ANTXR1: variants seen among roughly 807,000 people sequenced by gnomAD.
ANTXR1 encodes the protein ANTXR cell adhesion molecule 1, also known as anthrax toxin receptor 1.
Under a neutral mutation model 78.1 loss-of-function variants are expected in ANTXR1, and 19 were observed. The observed-to-expected ratio is 0.24, with a 90% confidence interval of 0.17 to 0.36. ANTXR1 has a LOEUF of 0.36. Ranked by LOEUF, ANTXR1 falls within the 10% of genes least tolerant of loss-of-function variation. ANTXR1 has a pLI of 1.00. For synonymous variants in ANTXR1, 273 were observed against 260.5 expected (o/e 1.05, Z -0.46); for missense variants, 518 against 718.6 (o/e 0.72, Z 3.19).
chr2:69,066,518 A>G (rs911447618), intron 3 of ANTXR1, among the ~76,000 whole-genome samples: 3 of 152,074 alleles, frequency 2.0e-5, no homozygotes, highest in Admixed American at 2.0e-4. Context: ...TTCATCAGCA[A>G]TGTTATCAAA....
At chr2:69,151,659 A>T (rs1673401970) in intron 12 of ANTXR1, among the ~76,000 whole-genome samples, 1 of 152,120 alleles carries the variant, frequency 6.6e-6, no homozygotes, top group African/African-American at 2.4e-5. Flanking sequence ...CTGGATTCAC[A>T]GACCCTACAA....
rs1671285989 is a variant in ANTXR1, at chr2:69,092,891, AAC to A, written c.703+1978_703+1979del. ...TGTAGTGTGTGTGAATTGTTTTATA[AAC>A]ACACATTTTATAGTTCTGTAATTTT... On this transcript the variant is annotated intron_variant, in intron 9 of 17. Transcript: ENST00000303714. 3.3e-5 allele frequency among the ~76,000 whole-genome samples: 5 copies of A among 152,216 alleles called. No individual in the cohort carries two copies. In the South Asian group the frequency reaches 8.3e-4, roughly 25 times the overall value.
chr2:69,159,783 G>GT (rs1673628468), intron 13 of ANTXR1, among the ~76,000 whole-genome samples: 1 of 151,990 alleles, frequency 6.6e-6, no homozygotes, highest in Admixed American at 6.6e-5. Context: ...AAAGAATTAC[G>GT]TAACAGATCA....
At chr2:69,215,761 G>A (rs1675159553) in intron 17 of ANTXR1, among the ~76,000 whole-genome samples, 1 of 152,160 alleles carries the variant, frequency 6.6e-6, no homozygotes, top group South Asian at 2.1e-4. Flanking sequence ...CTGGGCAAAA[G>A]GCCACATTTC....
Position 69,104,620 on chromosome 2 carries a change from A to C in ANTXR1, c.802+1680A>C, listed in dbSNP as rs193017459. ...CTTTAACCAAAATCCCAAGTCTAACATCAGAAACTCCTGAAGGTTTAACTC... is the reference window on the plus strand; with the variant it reads ...CTTTAACCAAAATCCCAAGTCTAACCTCAGAAACTCCTGAAGGTTTAACTC... On this transcript the variant is annotated intron_variant, in intron 10 of 17. Transcript: ENST00000303714. 1.9e-3 allele frequency among the ~76,000 whole-genome samples: 294 copies of C among 152,282 alleles called. 4 individuals carry two copies. Among genetic ancestry groups the C allele is most frequent in the African/African-American group, 6.9e-3 (285 of 41,552 alleles).
At chr2:69,112,876 T>TA (rs1239156020) in intron 10 of ANTXR1, among the ~76,000 whole-genome samples, 2 of 152,126 alleles carry the variant, frequency 1.3e-5, no homozygotes, top group African/African-American at 4.8e-5. Flanking sequence ...AAAATACAGA[T>TA]ACGTTGAAAT....
intron 9 of ANTXR1, among the ~76,000 whole-genome samples, chr2:69,101,256 A>G (rs1671607658): frequency 6.6e-6 from 1 of 152,186 alleles, no homozygotes; most frequent in Non-Finnish European, 1.5e-5. Context: ...ATAAGCTTTA[A>G]AAAAAATCAC....
intron 16 of ANTXR1, among the ~76,000 whole-genome samples, chr2:69,185,150 G>A (rs1292822415): frequency 3.3e-5 from 5 of 152,188 alleles, no homozygotes; most frequent in Non-Finnish European, 4.4e-5. Context: ...CCAAGAACTT[G>A]TTAGAAATGG....
chr2:69,051,170 C>T (rs1268446382), intron 3 of ANTXR1, among the ~76,000 whole-genome samples: 2 of 151,944 alleles, frequency 1.3e-5, no homozygotes, highest in East Asian at 3.9e-4. Flanking sequence ...CCTGTAATCC[C>T]ACCTACTTGG....
chr2:69,078,525 T>C (rs1670807474), intron 8 of ANTXR1, among the ~76,000 whole-genome samples: 1 of 152,146 alleles, frequency 6.6e-6, no homozygotes, highest in African/African-American at 2.4e-5. Flanking sequence ...CTGCTCTCCC[T>C]TCAGGGTTTG....
At chr2:69,046,651 C>T (rs2104099198) in intron 3 of ANTXR1, among the ~76,000 whole-genome samples, 1 of 152,264 alleles carries the variant, frequency 6.6e-6, no homozygotes, top group African/African-American at 2.4e-5. Context: ...ACCTCATCAG[C>T]CTATGGAAGA....
chr2:69,146,068 G>C (rs1462881696), intron 12 of ANTXR1: 31 of 985,342 alleles, frequency 3.1e-5, no homozygotes, highest in Non-Finnish European at 3.5e-5. Flanking sequence ...AGCCTTCAGA[G>C]AATGTCATCC....
intron 3 of ANTXR1, among the ~76,000 whole-genome samples, chr2:69,051,652 AT>A (rs1669937603): frequency 6.6e-6 from 1 of 152,032 alleles, no homozygotes; most frequent in African/African-American, 2.4e-5. Context: ...GATGATTAAA[AT>A]TTTGTTATAA....
chr2:69,145,467 A>C lies in ANTXR1; in HGVS notation c.952-6702A>C, dbSNP rs989881199. 7.2e-6 allele frequency: 11 copies of C among 1,528,706 alleles called. No homozygotes were observed. The African/African-American group carries it at 1.4e-4, about 19-fold the overall frequency. The allele number at this position is 1,528,706 out of a possible 1,614,324, so 94.7% of individuals were successfully genotyped here. On this transcript the variant is annotated intron_variant, in intron 12 of 17. Transcript: ENST00000303714. ...TGCTCGGTTTACACTTTCCTTATTT[A>C]CTGAATGAGTGGAGGGCAGAGACAG...
chr2:69,172,318 G>C (rs759371305), intron 14 of ANTXR1: 1 of 1,500,644 alleles, frequency 6.7e-7, no homozygotes, highest in Non-Finnish European at 9.3e-7. Context: ...CGTGTGTGTT[G>C]GCCCTGTGAG....
At chr2:69,037,798 C>T (rs1325501071) in intron 1 of ANTXR1, among the ~76,000 whole-genome samples, 2 of 152,100 alleles carry the variant, frequency 1.3e-5, no homozygotes, top group African/African-American at 4.8e-5. Flanking sequence ...GAGTTGCTTG[C>T]CACTGCGGAC....
At chr2:69,054,021 C>T (rs1022546322) in intron 3 of ANTXR1, among the ~76,000 whole-genome samples, 5 of 151,966 alleles carry the variant, frequency 3.3e-5, no homozygotes, top group African/African-American at 7.2e-5. Flanking sequence ...CATATATATG[C>T]GTATGTGTTT....
At chr2:69,039,553 T>C (rs1669550985) in intron 1 of ANTXR1, among the ~76,000 whole-genome samples, 1 of 152,348 alleles carries the variant, frequency 6.6e-6, no homozygotes, top group South Asian at 2.1e-4. Flanking sequence ...GGATTCCTGC[T>C]GTGTTCATTT....
intron 3 of ANTXR1, among the ~76,000 whole-genome samples, chr2:69,057,510 A>G (rs775649970): frequency 4.6e-5 from 7 of 152,236 alleles, no homozygotes; most frequent in Non-Finnish European, 7.4e-5. Flanking sequence ...GTTACTATCT[A>G]TTGTCCTTGT....
Sources: allele counts gnomAD v4.1 joint callset (sites outside exome capture counted in the v4.1 genomes callset), GRCh38; gene constraint gnomAD v4.1.1; transcripts MANE v1.5; gene names NCBI Gene and HGNC (gene_info 2026-07-23, HGNC 2026-07-21).